USP6NL: variants seen among roughly 807,000 people sequenced by gnomAD.
USP6NL encodes USP6 N-terminal-like protein.
Under a neutral mutation model 61.9 loss-of-function variants are expected in USP6NL, and 26 were observed. That is an observed-to-expected ratio of 0.42 (90% CI 0.31 to 0.58). The LOEUF (loss-of-function observed/expected upper bound fraction) is 0.58. Among genes scored for constraint, USP6NL ranks in the 20% least tolerant of loss-of-function variants. The pLI is 0.16. For missense variants in USP6NL, 1,114 were observed against 1,034.3 expected, an observed-to-expected ratio of 1.08 and a Z score of -1.06; for synonymous variants, 432 against 390.1, an observed-to-expected ratio of 1.11 and a Z score of -1.27.
chr10:11,517,647 C>T (rs1434322884), intron 5 of USP6NL, among the ~76,000 whole-genome samples: 2 of 152,202 alleles, frequency 1.3e-5, no homozygotes, highest in African/African-American at 4.8e-5. Context: ...TGCAGGTCTG[C>T]CTATAGGGTT....
rs1835173293 is a variant in USP6NL at position 11,520,772 on chromosome 10, T to C, written c.156-2198A>G. 6.6e-6 allele frequency among the ~76,000 whole-genome samples: 1 copy of C among 152,268 alleles called. No homozygotes were observed. The highest frequency in any genetic ancestry group is 2.1e-4 in the South Asian group (1 of 4,834). Reference sequence around the variant, plus strand: ...TCTGCCATGAATGTATTGTCTCTGGTTGTTTTCATGCTGCAACAGCAGGGT... The same window carrying C: ...TCTGCCATGAATGTATTGTCTCTGGCTGTTTTCATGCTGCAACAGCAGGGT... On this transcript the variant is annotated intron_variant, in intron 4 of 14. Coordinates refer to ENST00000609104, the MANE Select transcript of USP6NL (RefSeq NM_014688.5). The surrounding 1 kb of genome is among the most constrained non-coding windows in gnomAD (Gnocchi z 5.2).
chr10:11,595,064 A>T lies in USP6NL; in HGVS notation c.4+2567T>A, dbSNP rs563371434. Among the ~76,000 whole-genome samples, 1 of 152,298 alleles carries T rather than the reference A, an allele frequency of 6.6e-6. No homozygotes were observed. The highest frequency in any genetic ancestry group is 2.1e-4 in the South Asian group (1 of 4,820). On this transcript the variant is annotated intron_variant, in intron 2 of 14. Coordinates refer to ENST00000609104, the MANE Select transcript of USP6NL (RefSeq NM_014688.5). This position sits in a 1 kb window ranked among gnomAD's most constrained non-coding sequence, Gnocchi z 5.3. Reference sequence around the variant, plus strand: ...AGACTACTCAGAAGCTGATTTTTTTAAAAGAATCTGAAGTGGGAAGTAAGG... The same window carrying T: ...AGACTACTCAGAAGCTGATTTTTTTTAAAGAATCTGAAGTGGGAAGTAAGG...
Position 11,573,647 on chromosome 10 carries a change from A to C in USP6NL, c.4+23984T>G, listed in dbSNP as rs1396232317. ...TGCTTTTTGCCTTGATGGTGTCACC[A>C]GCTCCTTTACAATCTGCAAGACTTG... On this transcript the variant is annotated intron_variant, in intron 2 of 14. Coordinates refer to ENST00000609104, the MANE Select transcript of USP6NL (RefSeq NM_014688.5). The C allele has an allele frequency of 1.0e-5, 4 of 398,780 alleles. No individual in the cohort carries two copies. In the East Asian group the frequency reaches 1.1e-4, roughly 11 times the overall value. The allele number at this position is 398,780 out of a possible 1,614,324, so 24.7% of individuals were successfully genotyped here.
At chr10:11,586,004 AG>A (rs1837947878) in intron 2 of USP6NL, among the ~76,000 whole-genome samples, 1 of 152,220 alleles carries the variant, frequency 6.6e-6, no homozygotes, top group African/African-American at 2.4e-5. Context: ...GAAGAGATTA[AG>A]GTTGCACAAC....
At position 11,497,518 on chromosome 10, in the gene USP6NL, C is replaced by T. The variant is rs567516765; in HGVS notation, c.384+3583G>A. 4.0e-5 allele frequency among the ~76,000 whole-genome samples: 6 copies of T among 151,324 alleles called. No homozygotes were observed. In the South Asian group the frequency reaches 1.0e-3, roughly 26 times the overall value. On this transcript the variant is annotated intron_variant, in intron 7 of 14. Coordinates refer to ENST00000609104, the MANE Select transcript of USP6NL (RefSeq NM_014688.5). ...TTGTAAAAGATGAGATGTCAAAACA[C>T]AGGAAGAAAATGTTTGACAAGACAT...
chr10:11,608,045 T>C (rs996471437), intron 1 of USP6NL, among the ~76,000 whole-genome samples: 8 of 152,200 alleles, frequency 5.3e-5, no homozygotes, highest in Admixed American at 4.6e-4. Flanking sequence ...TGCCACTTAC[T>C]GAAGATTTGT....
In USP6NL at chr10:11,553,823, G is replaced by T. The variant is rs1836582130; in HGVS notation, c.5-26256C>A. On this transcript the variant is annotated intron_variant, in intron 2 of 14. Transcript: ENST00000609104. The surrounding 1 kb of genome is among the most constrained non-coding windows in gnomAD (Gnocchi z 4.8). ...AGGCAAGAGAACTGCTTGAACCCGG[G>T]AGGCAGAGGATGCAGTGAGCCGAGA... is the stretch of plus-strand genomic sequence containing the variant. Among the ~76,000 whole-genome samples, 1 of 151,732 alleles carries T rather than the reference G, an allele frequency of 6.6e-6. No homozygotes were observed. The highest frequency in any genetic ancestry group is 2.4e-5 in the African/African-American group (1 of 41,250).
chr10:11,500,530 G>A (rs544715611), intron 7 of USP6NL, among the ~76,000 whole-genome samples: 2 of 152,040 alleles, frequency 1.3e-5, no homozygotes, highest in African/African-American at 4.8e-5. Flanking sequence ...AGATGACAAG[G>A]AGATACATTT....
chr10:11,571,105 C>A (rs868203960), intron 2 of USP6NL, among the ~76,000 whole-genome samples: 28 of 145,224 alleles, frequency 1.9e-4, no homozygotes, highest in African/African-American at 4.4e-4. Context: ...TTTTTTGAGA[C>A]AAAGTTTTAC....
intron 2 of USP6NL, among the ~76,000 whole-genome samples, chr10:11,543,427 A>G (rs1836145518): frequency 6.6e-6 from 1 of 152,174 alleles, no homozygotes; most frequent in African/African-American, 2.4e-5. Context: ...CTGTACTCCC[A>G]GCTACTTGGG....
At chr10:11,517,227 ATCATAG>A (rs1834994054) in intron 5 of USP6NL, among the ~76,000 whole-genome samples, 1 of 152,252 alleles carries the variant, frequency 6.6e-6, no homozygotes, top group Non-Finnish European at 1.5e-5. Context: ...CAAAAGAGAG[ATCATAG>A]TCAGAGTGTG....
chr10:11,481,671 T>TA lies in USP6NL; in HGVS notation c.1078+98dup. On this transcript the variant is annotated intron_variant, in intron 14 of 14. Coordinates refer to ENST00000609104, the MANE Select transcript of USP6NL (RefSeq NM_014688.5). The surrounding 1 kb of genome is among the most constrained non-coding windows in gnomAD (Gnocchi z 4.4). ...CATCCACATTATGTCATCACAAGTA[T>TA]AATGCTTACGCTGTGGGCAAGAAAC... is the stretch of plus-strand genomic sequence containing the variant. The TA allele has an allele frequency of 7.7e-7, 1 of 1,301,744 alleles. No individual in the cohort carries two copies. Among genetic ancestry groups the TA allele is most frequent in the South Asian group, 1.8e-5 (1 of 54,536 alleles). The allele number at this position is 1,301,744 out of a possible 1,614,324, so 80.6% of individuals were successfully genotyped here. A position where few individuals can be genotyped will look rare whatever the true frequency, so the allele number is the denominator to read the frequency against.
At chr10:11,523,702 T>C (rs370281893) in intron 4 of USP6NL, among the ~76,000 whole-genome samples, 12 of 152,330 alleles carry the variant, frequency 7.9e-5, no homozygotes, top group African/African-American at 2.9e-4. Context: ...AAAATTTAGG[T>C]AATTAATAGA....
Position 11,596,540 on chromosome 10 carries a change from C to T in USP6NL, c.4+1091G>A, listed in dbSNP as rs540318501. ...TCGGGAGGCTGAGGCAGGAGAATGG[C>T]GCGAACCCAGGAGGTGGAGCTTGCA... On this transcript the variant is annotated intron_variant, in intron 2 of 14. Coordinates refer to ENST00000609104, the MANE Select transcript of USP6NL (RefSeq NM_014688.5). This position sits in a 1 kb window ranked among gnomAD's most constrained non-coding sequence, Gnocchi z 4.1. 2.0e-5 allele frequency among the ~76,000 whole-genome samples: 3 copies of T among 151,778 alleles called. No homozygotes were observed. Among genetic ancestry groups the T allele is most frequent in the South Asian group, 2.1e-4 (1 of 4,800 alleles).
In USP6NL at chr10:11,481,866, C is replaced by T; in HGVS notation, c.982G>A (p.Ala328Thr). 2 of 1,612,370 alleles carry T rather than the reference C, an allele frequency of 1.2e-6. No homozygotes were observed. Among genetic ancestry groups the T allele is most frequent in the Non-Finnish European group, 1.7e-6 (2 of 1,179,222 alleles). ...ELVEFFQETLAKDFFFEDDFV... is the reference protein window; with the variant it reads ...ELVEFFQETLTKDFFFEDDFV... ...TCATCTTCAAAGAAAAAATCCTTTG[C>T]CAGGGTCTCCTGAAAAAATTCTACA... The change falls in exon 14 of 15, where the codon GCA becomes ACA. Residue 328 changes from alanine to threonine, a missense_variant. Physicochemically the swap from Ala to Thr is moderately conservative, Grantham distance 58. Transcript: ENST00000609104. The surrounding 1 kb of genome is among the most constrained non-coding windows in gnomAD (Gnocchi z 4.4).
rs1350725328 is a variant in USP6NL at position 11,478,115 on chromosome 10, G to C, written c.1078+3655C>G. Among the ~76,000 whole-genome samples, 1 of 152,190 alleles carries C rather than the reference G, an allele frequency of 6.6e-6. No homozygotes were observed. Among genetic ancestry groups the C allele is most frequent in the Non-Finnish European group, 1.5e-5 (1 of 68,030 alleles). ...AAGAGTTTTCCTAACCAGTTAGAAA[G>C]AAATGGAAGAAAATCTTCAACTTGC... On this transcript the variant is annotated intron_variant, in intron 14 of 14. Transcript: ENST00000609104. This position sits in a 1 kb window ranked among gnomAD's most constrained non-coding sequence, Gnocchi z 6.8.
intron 2 of USP6NL, among the ~76,000 whole-genome samples, chr10:11,557,392 C>A (rs758623847): frequency 1.3e-5 from 2 of 152,158 alleles, no homozygotes; most frequent in Non-Finnish European, 2.9e-5. Context: ...ATTTTTAGTG[C>A]CTTTTTACGA....
rs533188691 is a variant in USP6NL at position 11,493,474 on chromosome 10, CT to C, written c.385-247del. 1.2e-4 allele frequency among the ~76,000 whole-genome samples: 18 copies of C among 152,262 alleles called. No homozygotes were observed. The East Asian group carries it at 2.3e-3, about 20-fold the overall frequency. ...CTTCCTTCTCTTCCATCCTGTCTAT[CT>C]AGTTAATTTTAATTTAGGATAGAGA... On this transcript the variant is annotated intron_variant, in intron 7 of 14. Transcript: ENST00000609104.
Position 11,518,501 on chromosome 10 carries a change from C to A in USP6NL, c.195+34G>T. 6.3e-7 allele frequency: 1 copy of A among 1,595,284 alleles called. No individual in the cohort carries two copies. The highest frequency in any genetic ancestry group is 1.1e-5 in the South Asian group (1 of 89,112). ...TATTCTTCTAATAAAGGCAATTCAC[C>A]AGTAACTGTAAATACATCAAGAGCA... is the stretch of plus-strand genomic sequence containing the variant. On this transcript the variant is annotated intron_variant, in intron 5 of 14. Coordinates refer to ENST00000609104, the MANE Select transcript of USP6NL (RefSeq NM_014688.5). The surrounding 1 kb of genome is among the most constrained non-coding windows in gnomAD (Gnocchi z 5.3).
Sources: allele counts gnomAD v4.1 joint callset (sites outside exome capture counted in the v4.1 genomes callset), GRCh38; gene constraint gnomAD v4.1.1; non-coding constraint Gnocchi (gnomAD v3.1); transcripts MANE v1.5; gene names NCBI Gene and HGNC (gene_info 2026-07-23, HGNC 2026-07-21).